CNTN3: variants seen among roughly 807,000 people sequenced by gnomAD.
CNTN3 encodes contactin 3.
Under a neutral mutation model 119.1 loss-of-function variants are expected in CNTN3, and 60 were observed. The observed-to-expected ratio is 0.50, with a 90% CI of 0.41 to 0.62. The LOEUF (loss-of-function observed/expected upper bound fraction) is 0.62, where lower values mean the gene tolerates loss of function less well. Ranked by LOEUF, CNTN3 falls within the 20% of genes least tolerant of loss-of-function variation. The pLI is 0.00. For missense variants in CNTN3, 1,101 were observed against 1,242.4 expected, an observed-to-expected ratio of 0.89 and a Z score of 1.71; for synonymous variants, 450 against 438.7, an observed-to-expected ratio of 1.03 and a Z score of -0.32.
rs141930508 is a variant in CNTN3 at position 74,507,185 on chromosome 3, A to G, written c.56-7400T>C. 4.7e-4 allele frequency among the ~76,000 whole-genome samples: 71 copies of G among 152,278 alleles called. No homozygotes were observed. The East Asian group carries it at 0.013, about 29-fold the overall frequency. ...TATAATCACAGCACTTTGGGAGGCC[A>G]AGGCAGGAGGATCATAGGAAGCCAA... On this transcript the variant is annotated intron_variant, in intron 2 of 22. Transcript: ENST00000263665.
chr3:74,275,869 A>G (rs989639670), intron 20 of CNTN3, among the ~76,000 whole-genome samples: 5 of 152,142 alleles, frequency 3.3e-5, no homozygotes, highest in African/African-American at 1.2e-4. Flanking sequence ...AGAATTCACC[A>G]AACAAATATC....
intron 1 of CNTN3, among the ~76,000 whole-genome samples, chr3:74,553,314 T>A (rs1180508252): frequency 6.6e-6 from 1 of 152,224 alleles, no homozygotes; most frequent in Non-Finnish European, 1.5e-5. Flanking sequence ...ATGTGCCACA[T>A]TTTCTTAATC....
intron 4 of CNTN3, among the ~76,000 whole-genome samples, chr3:74,446,219 C>T (rs530252455): frequency 6.6e-6 from 1 of 152,284 alleles, no homozygotes; most frequent in Admixed American, 6.5e-5. Context: ...CGTACCTGAA[C>T]TACCTCAGGA....
At chr3:74,498,884 C>A (rs895416739) in intron 3 of CNTN3, among the ~76,000 whole-genome samples, 7 of 151,708 alleles carry the variant, frequency 4.6e-5, no homozygotes, top group African/African-American at 1.7e-4. Flanking sequence ...TATAAGAATG[C>A]AGCATGTAAT....
chr3:74,381,665 C>T lies in CNTN3; in HGVS notation c.455-10266G>A, dbSNP rs550084494. Among the ~76,000 whole-genome samples, 11 of 152,208 alleles carry T rather than the reference C, an allele frequency of 7.2e-5. No individual in the cohort carries two copies. In the East Asian group the frequency reaches 1.7e-3, roughly 24 times the overall value. ...TACCCCCCTACACTATCTTTCCAAT[C>T]CTTGTCTATCTTGGCTATGGAGATA... is the stretch of plus-strand genomic sequence containing the variant. On this transcript the variant is annotated intron_variant, in intron 5 of 22. Transcript: ENST00000263665.
At chr3:74,572,343 A>T (rs1704347314) in intron 1 of CNTN3, among the ~76,000 whole-genome samples, 1 of 152,224 alleles carries the variant, frequency 6.6e-6, no homozygotes, top group Non-Finnish European at 1.5e-5. Context: ...GGCACAGCCC[A>T]TGATACTCCC....
intron 5 of CNTN3, among the ~76,000 whole-genome samples, chr3:74,411,167 G>T (rs1353150684): frequency 4.6e-5 from 7 of 151,502 alleles, no homozygotes; most frequent in Admixed American, 3.3e-4. Flanking sequence ...TCAGCCCAGT[G>T]TCCTATCTTT....
chr3:74,506,029 G>T (rs1337244189), intron 2 of CNTN3, among the ~76,000 whole-genome samples: 20 of 152,130 alleles, frequency 1.3e-4, no homozygotes. Context: ...AAATAATACT[G>T]CTCGCAGGAA....
intron 3 of CNTN3, among the ~76,000 whole-genome samples, chr3:74,493,903 T>C (rs1443340927): frequency 6.6e-6 from 1 of 152,182 alleles, no homozygotes; most frequent in Non-Finnish European, 1.5e-5. Context: ...TGTTTTATGA[T>C]ATAGATTCCC....
chr3:74,332,119 T>A (rs892999453), intron 13 of CNTN3, among the ~76,000 whole-genome samples: 1 of 152,236 alleles, frequency 6.6e-6, no homozygotes, highest in Non-Finnish European at 1.5e-5. Context: ...CTTATCAGCC[T>A]CCTTGTTCAC....
chr3:74,480,497 T>C (rs1702743788), intron 4 of CNTN3, among the ~76,000 whole-genome samples: 1 of 151,392 alleles, frequency 6.6e-6, no homozygotes, highest in African/African-American at 2.4e-5. Flanking sequence ...TACTTAAAAC[T>C]GGAAAAAAAA....
At position 74,558,104 on chromosome 3, in the gene CNTN3, T is replaced by C. The variant is rs534848553; in HGVS notation, c.-80-36912A>G. Among the ~76,000 whole-genome samples, 7 of 152,258 alleles carry C rather than the reference T, an allele frequency of 4.6e-5. No homozygotes were observed. The South Asian group carries it at 1.5e-3, about 32-fold the overall frequency. On this transcript the variant is annotated intron_variant, in intron 1 of 22. Transcript: ENST00000263665. ...CAAATTGTATCTCCCTCTTTAGGGA[T>C]AATCTTCATGCAATTACTGGTTTTT...
At chr3:74,522,539 C>T (rs1703558256) in intron 1 of CNTN3, among the ~76,000 whole-genome samples, 1 of 151,734 alleles carries the variant, frequency 6.6e-6, no homozygotes, top group Admixed American at 6.6e-5. Flanking sequence ...CAAAAACAGA[C>T]AGGATGGAGA....
At chr3:74,405,608 G>A (rs535736911) in intron 5 of CNTN3, among the ~76,000 whole-genome samples, 4 of 151,704 alleles carry the variant, frequency 2.6e-5, no homozygotes, top group Non-Finnish European at 4.4e-5. Context: ...TATCACTTTG[G>A]GAAAAATTGT....
rs144666955 is a variant in CNTN3, at chr3:74,556,189, A to G, written c.-80-34997T>C. Among the ~76,000 whole-genome samples the G allele has an allele frequency of 6.4e-3, 971 of 152,272 alleles. 16 individuals carry two copies. The highest frequency in any genetic ancestry group is 0.022 in the African/African-American group (929 of 41,560). On this transcript the variant is annotated intron_variant, in intron 1 of 22. Transcript: ENST00000263665. Reference sequence around the variant, plus strand: ...CCATAAAATCCACCCTTTTAAGTGAATACTTCAATGGTTTATAGTATGTTC... The same window carrying G: ...CCATAAAATCCACCCTTTTAAGTGAGTACTTCAATGGTTTATAGTATGTTC...
At chr3:74,301,165 C>G (rs1334573863) in intron 16 of CNTN3, among the ~76,000 whole-genome samples, 1 of 152,196 alleles carries the variant, frequency 6.6e-6, no homozygotes, top group Non-Finnish European at 1.5e-5. Context: ...CTCACATGCA[C>G]TAATGATCAT....
intron 1 of CNTN3, among the ~76,000 whole-genome samples, chr3:74,599,899 T>C (rs1204787095): frequency 6.6e-6 from 1 of 152,024 alleles, no homozygotes; most frequent in Non-Finnish European, 1.5e-5. Context: ...CTGATGGGAC[T>C]ACAGAGACAT....
intron 13 of CNTN3, among the ~76,000 whole-genome samples, chr3:74,304,209 A>C (rs1373621613): frequency 6.6e-6 from 1 of 152,214 alleles, no homozygotes; most frequent in Non-Finnish European, 1.5e-5. Flanking sequence ...ACAGATGGGA[A>C]ATGATTGATA....
chr3:74,422,700 A>C (rs1184929013), intron 5 of CNTN3, among the ~76,000 whole-genome samples: 1 of 152,212 alleles, frequency 6.6e-6, no homozygotes, highest in Non-Finnish European at 1.5e-5. Context: ...GTCAACACCT[A>C]TAAAACTGAT....
Sources: gnomAD v4.1 joint callset for allele counts (sites outside exome capture counted in the v4.1 genomes callset) on GRCh38, gnomAD v4.1.1 for gene constraint, MANE v1.5 for transcripts, NCBI Gene and HGNC (gene_info 2026-07-23, HGNC 2026-07-21) for gene names.